The following RBM27 variants were observed in gnomAD, a reference collection of about 807,000 sequenced individuals.
RBM27 encodes RNA binding motif protein 27.
Under a neutral mutation model 135.3 loss-of-function variants are expected in RBM27, and 22 were observed. The observed-to-expected ratio is 0.16, with a 90% CI of 0.12 to 0.23. The LOEUF is 0.23. RBM27 is among the 10% of genes least tolerant of loss of function. The probability of loss-of-function intolerance (pLI) is 1.00; values close to 1 mark genes in which losing one functional copy is unlikely to be tolerated. For missense variants in RBM27, 1,009 were observed against 1,281.0 expected (o/e 0.79, Z 3.24); for synonymous variants, 481 against 442.4 (o/e 1.09, Z -1.10).
rs1212128621 is a variant in RBM27, at chr5:146,261,744, C to T, written c.2128C>T (p.His710Tyr). The change falls in exon 13 of 21, where the codon CAT becomes TAT. Residue 710 changes from histidine to tyrosine, a missense_variant. By Grantham distance (83) the His-to-Tyr change is moderately conservative. Around this residue, in one of 6 missense-constraint regions of RBM27, gnomAD observed 355 missense variants for 427.3 expected, o/e 0.83. Transcript: ENST00000265271. ...GCACCATCACCTGCCACAGCATCTA[C>T]ATCAGCAGCAGGTGCTAGTGGCCCA... The part of the protein sequence containing the change: ...QQHHHLPQHL[H>Y]QQQVLVAQSA... The T allele has an allele frequency of 6.2e-7, 1 of 1,614,196 alleles. No individual in the cohort carries two copies. The highest frequency in any genetic ancestry group is 1.7e-5 in the Admixed American group (1 of 60,028).
chr5:146,259,979 CAAAAAAAA>C (rs34781548), intron 11 of RBM27, among the ~76,000 whole-genome samples: 31 of 35,290 alleles, frequency 8.8e-4, no homozygotes, highest in Non-Finnish European at 5.8e-4. Flanking sequence ...GACTCCGTCT[CAAAAAAAA>C]AAAAAAAAAA....
At chr5:146,283,545 A>G (rs1259637557) in intron 19 of RBM27, among the ~76,000 whole-genome samples, 1 of 151,164 alleles carries the variant, frequency 6.6e-6, no homozygotes, top group Non-Finnish European at 1.5e-5. Flanking sequence ...CTCAAAAAGA[A>G]AAAAAAAAGG....
chr5:146,259,783 C>A (rs2126846907), intron 11 of RBM27, among the ~76,000 whole-genome samples: 1 of 146,038 alleles, frequency 6.8e-6, no homozygotes, highest in African/African-American at 2.6e-5. Context: ...ACCATCCTGG[C>A]TAACAAGGTG....
chr5:146,252,860 A>G (rs995234571), intron 9 of RBM27, among the ~76,000 whole-genome samples: 1 of 152,232 alleles, frequency 6.6e-6, no homozygotes, highest in Non-Finnish European at 1.5e-5. Flanking sequence ...AAAGAGACAA[A>G]AAATTTATAA....
chr5:146,244,609 G>A (rs1757544691), intron 8 of RBM27, among the ~76,000 whole-genome samples: 1 of 151,882 alleles, frequency 6.6e-6, no homozygotes, highest in African/African-American at 2.4e-5. Flanking sequence ...TGGCATCATG[G>A]GTCACTGCAG....
chr5:146,268,546 C>CTA (rs1758721694), intron 15 of RBM27, among the ~76,000 whole-genome samples: 1 of 151,966 alleles, frequency 6.6e-6, no homozygotes, highest in African/African-American at 2.4e-5. Flanking sequence ...CCGGCCTACT[C>CTA]TATCATTTCT....
intron 3 of RBM27, among the ~76,000 whole-genome samples, chr5:146,225,222 G>A (rs1027161194): frequency 1.3e-5 from 2 of 151,928 alleles, no homozygotes; most frequent in African/African-American, 2.4e-5. Context: ...TTGGCCTCCC[G>A]AAGTGCTGGG....
intron 19 of RBM27, 107 bp downstream of exon 19, chr5:146,271,781 T>C: frequency 9.5e-7 from 1 of 1,051,992 alleles, no homozygotes; most frequent in South Asian, 1.9e-5. Context: ...GAAAAATTAG[T>C]TGTAAAAAAC....
chr5:146,284,596 G>C (rs1342837623), intron 19 of RBM27, 26 bp from the exon 20 acceptor site: 1 of 1,433,448 alleles, frequency 7.0e-7, no homozygotes, highest in Non-Finnish European at 9.8e-7. Context: ...GTGCAAACTT[G>C]TATGTTCTTC....
intron 10 of RBM27, 68 bp downstream of exon 10, chr5:146,255,160 G>A (rs988123876): frequency 7.1e-7 from 1 of 1,402,092 alleles, no homozygotes; most frequent in African/African-American, 1.5e-5. Context: ...TATTACATTT[G>A]CATTTCTGGC....
At position 146,220,487 on chromosome 5, in the gene RBM27, A is replaced by T. The variant is rs1013884060; in HGVS notation, c.178+1384A>T. On this transcript the variant is annotated intron_variant, in intron 2 of 20. Transcript: ENST00000265271. ...GAGAGTCCATCTCAAAAAAAAAAAAAAAATATATATATATATATATATGTA... is the reference window on the plus strand; with the variant it reads ...GAGAGTCCATCTCAAAAAAAAAAAATAAATATATATATATATATATATGTA... 4.5e-3 allele frequency among the ~76,000 whole-genome samples: 619 copies of T among 138,632 alleles called. 1 individual carries two copies. Among genetic ancestry groups the T allele is most frequent in the Non-Finnish European group, 7.6e-3 (484 of 63,492 alleles). The allele number at this position is 138,632 out of a possible 152,430, so 90.9% of individuals were successfully genotyped here.
chr5:146,229,700 A>T lies in RBM27; in HGVS notation c.396-17A>T. Reference sequence around the variant, plus strand: ...TTTCTATAGCCTGCATATGGCTTTTATATCTGTATATTATAGGACACGTGA... The same window carrying T: ...TTTCTATAGCCTGCATATGGCTTTTTTATCTGTATATTATAGGACACGTGA... On this transcript the variant is annotated splice_polypyrimidine_tract_variant and intron_variant, in intron 4 of 20. Coordinates refer to ENST00000265271, the MANE Select transcript of RBM27 (RefSeq NM_018989.2). The T allele has an allele frequency of 1.3e-6, 2 of 1,570,864 alleles. No homozygotes were observed. The highest frequency in any genetic ancestry group is 1.7e-6 in the Non-Finnish European group (2 of 1,144,900).
chr5:146,257,166 A>G (rs1268555133), intron 10 of RBM27, among the ~76,000 whole-genome samples: 3 of 152,250 alleles, frequency 2.0e-5, no homozygotes, highest in Non-Finnish European at 4.4e-5. Context: ...CCTGACAAAG[A>G]TGAAATCAAA....
intron 8 of RBM27, among the ~76,000 whole-genome samples, chr5:146,249,381 C>T (rs1446221541): frequency 6.6e-6 from 1 of 152,026 alleles, no homozygotes. Flanking sequence ...ATTTGTTCCC[C>T]TCATTGAGAC....
At chr5:146,220,127 G>T (rs1756381683) in intron 2 of RBM27, among the ~76,000 whole-genome samples, 1 of 152,124 alleles carries the variant, frequency 6.6e-6, no homozygotes, top group Non-Finnish European at 1.5e-5. Flanking sequence ...CTTTTGTTTG[G>T]TTGAGAGTGG....
At chr5:146,269,666 C>T in intron 17 of RBM27, 82 bp downstream of exon 17, 1 of 940,018 alleles carries the variant, frequency 1.1e-6, no homozygotes, top group African/African-American at 1.7e-5. Flanking sequence ...CAATGGGACC[C>T]TTAGGTAGCT....
At chr5:146,260,642 A>G in intron 11 of RBM27, 103 bp from the exon 12 acceptor site, 1 of 957,578 alleles carries the variant, frequency 1.0e-6, no homozygotes, top group Non-Finnish European at 1.5e-6. Context: ...CCCAGCCACA[A>G]AAGGCACTTA....
At chr5:146,217,472 T>TG (rs1342514836) in intron 1 of RBM27, among the ~76,000 whole-genome samples, 1 of 132,528 alleles carries the variant, frequency 7.5e-6, no homozygotes, top group East Asian at 2.1e-4. Context: ...CTGTTTTTTT[T>TG]TTTTTTTTTT....
At chr5:146,269,968 A>G (rs1758792165) in intron 17 of RBM27, among the ~76,000 whole-genome samples, 1 of 152,042 alleles carries the variant, frequency 6.6e-6, no homozygotes, top group Non-Finnish European at 1.5e-5. Context: ...TGTGTTTTTT[A>G]ACTGAATATT....
Sources: allele counts gnomAD v4.1 joint callset (sites outside exome capture counted in the v4.1 genomes callset), GRCh38; gene constraint gnomAD v4.1.1; regional missense constraint gnomAD v4.1.1; transcripts MANE v1.5; gene names NCBI Gene and HGNC (gene_info 2026-07-23, HGNC 2026-07-21).